The following MYT1L variants were observed in gnomAD, a reference collection of about 807,000 sequenced individuals.
MYT1L encodes the protein myelin transcription factor 1-like protein.
MYT1L carries 12 observed loss-of-function variants against 126.7 expected under a neutral mutation model. That is an observed-to-expected ratio of 0.09 (90% CI 0.06 to 0.15). The LOEUF is 0.15. Among genes scored for constraint, MYT1L ranks in the 10% least tolerant of loss-of-function variants. The pLI is 1.00. For missense variants in MYT1L, 979 were observed against 1,585.2 expected (o/e 0.62, Z 6.49); for synonymous variants, 541 against 604.2 (o/e 0.90, Z 1.53).
intron 4 of MYT1L, among the ~76,000 whole-genome samples, chr2:2,003,940 T>A (rs1437158183): frequency 6.6e-6 from 1 of 151,230 alleles, no homozygotes; most frequent in African/African-American, 2.4e-5. Context: ...CTTTCCTGCA[T>A]GAGTTCTTTC....
chr2:2,151,610 C>T (rs766425375), intron 3 of MYT1L, among the ~76,000 whole-genome samples: 3 of 152,198 alleles, frequency 2.0e-5, no homozygotes, highest in Non-Finnish European at 4.4e-5. Context: ...TGTTCCAAGA[C>T]CCCTAGTGGA....
intron 5 of MYT1L, among the ~76,000 whole-genome samples, chr2:1,983,362 A>G (rs2060752338): frequency 6.6e-6 from 1 of 152,240 alleles, no homozygotes; most frequent in Admixed American, 6.5e-5. Context: ...CTTTCAGCCA[A>G]TGAAACCCAA....
chr2:1,879,394 T>C (rs1288964392), intron 18 of MYT1L, among the ~76,000 whole-genome samples: 1 of 152,224 alleles, frequency 6.6e-6, no homozygotes, highest in African/African-American at 2.4e-5. Context: ...GAGTGCTGGC[T>C]TCTCATCCTT....
chr2:1,989,173 T>C lies in MYT1L; in HGVS notation c.-1+8018A>G, dbSNP rs139166630. Among the ~76,000 whole-genome samples the C allele has an allele frequency of 7.9e-5, 12 of 152,266 alleles. No homozygotes were observed. In the East Asian group the frequency reaches 2.3e-3, roughly 29 times the overall value. Reference sequence around the variant, plus strand: ...TGTGTGTCAGGTGGGAACACAACTTTCTTTTCTAGATGAGAATATTTTTCT... The same window carrying C: ...TGTGTGTCAGGTGGGAACACAACTTCCTTTTCTAGATGAGAATATTTTTCT... On this transcript the variant is annotated intron_variant, in intron 5 of 24. Coordinates refer to ENST00000647738, the MANE Select transcript of MYT1L (RefSeq NM_001303052.2).
At chr2:2,086,673 C>G (rs1425722447) in intron 3 of MYT1L, among the ~76,000 whole-genome samples, 2 of 152,160 alleles carry the variant, frequency 1.3e-5, no homozygotes, top group African/African-American at 4.8e-5. Flanking sequence ...GCAAAGGAGC[C>G]CCGGTGACCG....
chr2:2,075,200 A>G (rs1441831857), intron 3 of MYT1L, among the ~76,000 whole-genome samples: 1 of 152,236 alleles, frequency 6.6e-6, no homozygotes. Context: ...ATCAGATGGC[A>G]TGGTGATCGG....
intron 3 of MYT1L, among the ~76,000 whole-genome samples, chr2:2,155,365 A>G (rs1372433658): frequency 1.3e-5 from 2 of 152,198 alleles, no homozygotes; most frequent in African/African-American, 2.4e-5. Context: ...GGAGCCAACC[A>G]TCTTCTTGAA....
rs1351019863 is a variant in MYT1L, at chr2:2,228,745, T to C, written c.-421+55659A>G. 2.6e-5 allele frequency among the ~76,000 whole-genome samples: 4 copies of C among 152,156 alleles called. No homozygotes were observed. The highest frequency in any genetic ancestry group is 2.4e-5 in the African/African-American group (1 of 41,438). On this transcript the variant is annotated intron_variant, in intron 2 of 24. Coordinates refer to ENST00000647738, the MANE Select transcript of MYT1L (RefSeq NM_001303052.2). This position sits in a 1 kb window ranked among gnomAD's most constrained non-coding sequence, Gnocchi z 5.9. ...GAAGAGCTATAAATACACTATTTCATGTTCCCCCAAACACCTGAAAACTTA... is the reference window on the plus strand; with the variant it reads ...GAAGAGCTATAAATACACTATTTCACGTTCCCCCAAACACCTGAAAACTTA...
intron 4 of MYT1L, among the ~76,000 whole-genome samples, chr2:2,042,923 A>G (rs1356238611): frequency 6.6e-6 from 1 of 152,082 alleles, no homozygotes; most frequent in African/African-American, 2.4e-5. Flanking sequence ...GGTCTTCCCA[A>G]CACTGGCTCC....
intron 3 of MYT1L, among the ~76,000 whole-genome samples, chr2:2,111,533 T>C (rs1430592192): frequency 6.6e-6 from 1 of 152,196 alleles, no homozygotes; most frequent in Non-Finnish European, 1.5e-5. Flanking sequence ...ATTTAGGGAA[T>C]AAGAAAGGAA....
intron 9 of MYT1L, 35 bp downstream of exon 9, chr2:1,942,947 A>G: frequency 6.7e-7 from 1 of 1,493,930 alleles, no homozygotes; most frequent in Non-Finnish European, 8.9e-7. Context: ...GACCCAAATC[A>G]CGACTTGTTA....
In MYT1L at chr2:2,059,752, A is replaced by C. The variant is rs549210703; in HGVS notation, c.-303-5629T>G. 4.3e-4 allele frequency among the ~76,000 whole-genome samples: 66 copies of C among 152,206 alleles called. No individual in the cohort carries two copies. Among genetic ancestry groups the C allele is most frequent in the Non-Finnish European group, 7.4e-4 (50 of 68,024 alleles). On this transcript the variant is annotated intron_variant, in intron 3 of 24. Coordinates refer to ENST00000647738, the MANE Select transcript of MYT1L (RefSeq NM_001303052.2). The surrounding 1 kb of genome is among the most constrained non-coding windows in gnomAD (Gnocchi z 4.7). The stretch of plus-strand genomic sequence containing the variant: ...AGAATAAGGAAAGGCCTCAGTACAG[A>C]GAAAAATTGTTCTATAGATAAATAA...
At position 1,956,064 on chromosome 2, in the gene MYT1L, T is replaced by C. The variant is rs190015313; in HGVS notation, c.153-12730A>G. On this transcript the variant is annotated intron_variant, in intron 8 of 24. Coordinates refer to ENST00000647738, the MANE Select transcript of MYT1L (RefSeq NM_001303052.2). ...ATGTATCTATGTATCTATCTATCTA[T>C]CTACCTATCATCTATCTATCCATCT... Among the ~76,000 whole-genome samples, 363 of 147,712 alleles carry C rather than the reference T, an allele frequency of 2.5e-3. 4 individuals are homozygous for C. The highest frequency in any genetic ancestry group is 4.1e-3 in the African/African-American group (160 of 38,818).
intron 21 of MYT1L, 78 bp from the exon 22 acceptor site, chr2:1,809,245 C>T (rs755066253): frequency 2.9e-5 from 39 of 1,348,734 alleles, no homozygotes; most frequent in African/African-American, 8.6e-5. Context: ...GTAAGCAAGG[C>T]GTAGAATAGC....
chr2:1,903,180 G>A lies in MYT1L; in HGVS notation c.1932C>T (p.Thr644=), dbSNP rs147602480. 1 of 1,613,952 alleles carries A rather than the reference G, an allele frequency of 6.2e-7. No homozygotes were observed. The highest frequency in any genetic ancestry group is 1.3e-5 in the African/African-American group (1 of 75,010). ...TGTCGTAACTGTTGTATTCAAACGA[G>A]GTCTTGGAATATTTCTCGAGCTCCT... The part of the protein sequence containing the change: ...LAKELEKYSK[T]SFEYNSYDNH... Residue 644 remains threonine (T), a synonymous_variant, in exon 14 of 25, where the codon ACC becomes ACT. Coordinates refer to ENST00000647738, the MANE Select transcript of MYT1L (RefSeq NM_001303052.2).
chr2:2,226,177 C>T (rs992773004), intron 2 of MYT1L, among the ~76,000 whole-genome samples: 3 of 152,140 alleles, frequency 2.0e-5, no homozygotes, highest in Non-Finnish European at 4.4e-5. Flanking sequence ...TGCTGCACCC[C>T]AAAACTCTTC....
chr2:2,290,381 C>T (rs967575099), intron 1 of MYT1L, among the ~76,000 whole-genome samples: 1 of 152,194 alleles, frequency 6.6e-6, no homozygotes, highest in Non-Finnish European at 1.5e-5. Flanking sequence ...CGCTGGATGA[C>T]CTCATCTCGA....
At chr2:2,068,948 C>T (rs992875180) in intron 3 of MYT1L, among the ~76,000 whole-genome samples, 4 of 151,762 alleles carry the variant, frequency 2.6e-5, no homozygotes, top group Non-Finnish European at 5.9e-5. Flanking sequence ...TCTGAGGCCA[C>T]GGGTGCCTGG....
At chr2:2,220,511 T>G (rs2093828070) in intron 2 of MYT1L, among the ~76,000 whole-genome samples, 1 of 152,148 alleles carries the variant, frequency 6.6e-6, no homozygotes, top group African/African-American at 2.4e-5. Context: ...ACAAATTGTT[T>G]CCTATTCAGA....
Sources: allele counts gnomAD v4.1 joint callset (sites outside exome capture counted in the v4.1 genomes callset), GRCh38; gene constraint gnomAD v4.1.1; non-coding constraint Gnocchi (gnomAD v3.1); transcripts MANE v1.5; gene names NCBI Gene and HGNC (gene_info 2026-07-23, HGNC 2026-07-21).